The following DIP2C variants were observed in gnomAD, a reference collection of about 807,000 sequenced individuals.
DIP2C encodes DIP2 acetate--CoA ligase C (putative), also known as disco-interacting protein 2 homolog C.
DIP2C carries 33 observed loss-of-function variants against 192.4 expected under a neutral mutation model. The observed-to-expected ratio is 0.17, with a 90% CI of 0.13 to 0.23. The LOEUF is 0.23. Among genes scored for constraint, DIP2C ranks in the 10% least tolerant of loss-of-function variants. The pLI is 1.00. For synonymous variants in DIP2C, 979 were observed against 864.1 expected (o/e 1.13, Z -2.33); for missense variants, 1,537 against 2,110.1 (o/e 0.73, Z 5.32).
chr10:568,442 GA>G (rs1849570141), intron 1 of DIP2C, among the ~76,000 whole-genome samples: 1 of 152,168 alleles, frequency 6.6e-6, no homozygotes, highest in Non-Finnish European at 1.5e-5. Flanking sequence ...AAAGGGATCA[GA>G]AATTTAAGCC....
intron 13 of DIP2C, among the ~76,000 whole-genome samples, chr10:388,980 T>G (rs1564649047): frequency 7.0e-6 from 1 of 143,026 alleles, no homozygotes; most frequent in Non-Finnish European, 1.5e-5. Flanking sequence ...TCAAGGGGCC[T>G]CGGGGCATCC....
intron 22 of DIP2C, 29 bp from the exon 23 acceptor site, chr10:357,966 G>A (rs1420517622): frequency 3.2e-6 from 5 of 1,563,494 alleles, no homozygotes; most frequent in Non-Finnish European, 4.4e-6. Flanking sequence ...ATGGCCATGA[G>A]GAAACAAAAG....
At chr10:577,074 A>G (rs1181093363) in intron 1 of DIP2C, among the ~76,000 whole-genome samples, 1 of 152,204 alleles carries the variant, frequency 6.6e-6, no homozygotes, top group Non-Finnish European at 1.5e-5. Context: ...GCATGTTTAC[A>G]TTTGAACACA....
chr10:543,429 C>T (rs968781179), intron 1 of DIP2C, among the ~76,000 whole-genome samples: 2 of 152,340 alleles, frequency 1.3e-5, no homozygotes, highest in South Asian at 2.1e-4. Flanking sequence ...ATTAAACTGA[C>T]GTTGCCGTGA....
At chr10:512,896 G>A (rs1846105532) in intron 1 of DIP2C, among the ~76,000 whole-genome samples, 2 of 137,192 alleles carry the variant, frequency 1.5e-5, no homozygotes, top group Non-Finnish European at 1.5e-5. Flanking sequence ...TCCAGCCTGG[G>A]TGACAACAGC....
intron 4 of DIP2C, among the ~76,000 whole-genome samples, chr10:439,489 C>T (rs1241544794): frequency 6.6e-6 from 1 of 152,190 alleles, no homozygotes; most frequent in Non-Finnish European, 1.5e-5. Flanking sequence ...TGGTGGCATG[C>T]ACCTGTGGTC....
At chr10:659,629 G>C (rs1298730723) in intron 1 of DIP2C, among the ~76,000 whole-genome samples, 1 of 151,546 alleles carries the variant, frequency 6.6e-6, no homozygotes, top group African/African-American at 2.4e-5. Context: ...TCTCAAACTT[G>C]AATTGAACGA....
intron 1 of DIP2C, chr10:662,070 A>T (rs1351724722): frequency 1.4e-6 from 1 of 717,172 alleles, no homozygotes; most frequent in Non-Finnish European, 2.6e-6. Context: ...CCGCACATCA[A>T]AGGCACGATT....
chr10:590,661 C>T (rs1211423894), intron 1 of DIP2C, among the ~76,000 whole-genome samples: 2 of 152,198 alleles, frequency 1.3e-5, no homozygotes, highest in African/African-American at 4.8e-5. Context: ...TGCTCCTACA[C>T]AACACTATAT....
In DIP2C at chr10:502,163, T is replaced by A. The variant is rs530298165; in HGVS notation, c.86-15633A>T. Among the ~76,000 whole-genome samples the A allele has an allele frequency of 5.3e-5, 8 of 152,234 alleles. No homozygotes were observed. The South Asian group carries it at 1.7e-3, about 32-fold the overall frequency. ...TCTCAAAAACATTCAAATTCCCACA[T>A]CATAGTTTTTACAACACCAATATAC... On this transcript the variant is annotated intron_variant, in intron 1 of 36. Coordinates refer to ENST00000280886, the MANE Select transcript of DIP2C (RefSeq NM_014974.3).
chr10:442,684 AT>A (rs1967846829), intron 3 of DIP2C, among the ~76,000 whole-genome samples: 1 of 152,242 alleles, frequency 6.6e-6, no homozygotes, highest in East Asian at 1.9e-4. Context: ...TCAAATGAAA[AT>A]AAATTTCAGA....
intron 32 of DIP2C, among the ~76,000 whole-genome samples, 172 bp downstream of exon 32, chr10:309,859 C>T (rs1359065153): frequency 6.6e-6 from 1 of 152,092 alleles, no homozygotes; most frequent in African/African-American, 2.4e-5. Flanking sequence ...CCAGAGTTTT[C>T]AATTGCAAAG....
intron 1 of DIP2C, among the ~76,000 whole-genome samples, chr10:579,644 GAGCA>G (rs1371851547): frequency 6.6e-6 from 1 of 151,914 alleles, no homozygotes; most frequent in African/African-American, 2.4e-5. Context: ...TACATGCATA[GAGCA>G]AACATCCAGA....
chr10:353,543 A>G (rs891358393), intron 24 of DIP2C, among the ~76,000 whole-genome samples: 4 of 152,170 alleles, frequency 2.6e-5, no homozygotes, highest in African/African-American at 9.7e-5. Context: ...GCATGTGCCA[A>G]AACACCCAGC....
intron 1 of DIP2C, among the ~76,000 whole-genome samples, chr10:566,563 G>A (rs961934338): frequency 6.6e-6 from 1 of 152,264 alleles, no homozygotes; most frequent in Non-Finnish European, 1.5e-5. Context: ...CTGCTGAGGA[G>A]ACAGGTGTCA....
intron 22 of DIP2C, among the ~76,000 whole-genome samples, chr10:359,091 C>G (rs561923795): frequency 6.6e-6 from 1 of 152,248 alleles, no homozygotes; most frequent in African/African-American, 2.4e-5. Flanking sequence ...AAAACAGACA[C>G]ACGTGCCCAG....
chr10:685,628 A>T (rs960600020), intron 1 of DIP2C, among the ~76,000 whole-genome samples: 5 of 152,214 alleles, frequency 3.3e-5, no homozygotes, highest in Admixed American at 2.6e-4. Flanking sequence ...AATTTGAATC[A>T]ACAGCTAAAT....
At chr10:610,492 A>T (rs1243805064) in intron 1 of DIP2C, among the ~76,000 whole-genome samples, 2 of 152,290 alleles carry the variant, frequency 1.3e-5, no homozygotes, top group Non-Finnish European at 2.9e-5. Flanking sequence ...AGTGAAAGAC[A>T]TCCCAATTAC....
intron 36 of DIP2C, 149 bp from the exon 37 acceptor site, chr10:277,726 C>T (rs901328907): frequency 8.1e-6 from 9 of 1,104,728 alleles, no homozygotes; most frequent in Non-Finnish European, 1.1e-5. Context: ...CGTCTGCCGC[C>T]CACTAATCGT....
Sources: gnomAD v4.1 joint callset for allele counts (sites outside exome capture counted in the v4.1 genomes callset) on GRCh38, gnomAD v4.1.1 for gene constraint, MANE v1.5 for transcripts, NCBI Gene and HGNC (gene_info 2026-07-23, HGNC 2026-07-21) for gene names.